Variants in DOCK2 observed in about 807,000 individuals in gnomAD.
The protein encoded by DOCK2 is dedicator of cytokinesis 2, also known as dedicator of cytokinesis protein 2.
Under a neutral mutation model 248.9 loss-of-function variants are expected in DOCK2, and 87 were observed. That is an observed-to-expected ratio of 0.35 (90% CI 0.29 to 0.42). The LOEUF (loss-of-function observed/expected upper bound fraction) is 0.42. Ranked by LOEUF, DOCK2 falls within the 10% of genes least tolerant of loss-of-function variation. The pLI, the probability that DOCK2 is intolerant of heterozygous loss-of-function variation, is 1.00. For synonymous variants in DOCK2, 805 were observed against 821.6 expected, an observed-to-expected ratio of 0.98 and a Z score of 0.35; for missense variants, 1,747 against 2,300.2, an observed-to-expected ratio of 0.76 and a Z score of 4.92.
chr5:169,901,042 C>T (rs1039697529), intron 27 of DOCK2, among the ~76,000 whole-genome samples: 3 of 152,096 alleles, frequency 2.0e-5, no homozygotes, highest in Non-Finnish European at 4.4e-5. Flanking sequence ...ATTTATAAAA[C>T]GTGCTAGATG....
chr5:169,794,511 T>TA (rs1228609878), intron 25 of DOCK2, among the ~76,000 whole-genome samples: 1 of 152,206 alleles, frequency 6.6e-6, no homozygotes, highest in African/African-American at 2.4e-5. Flanking sequence ...TATGTATATA[T>TA]ATTTAAACAT....
intron 49 of DOCK2, 174 bp from the exon 50 acceptor site, chr5:170,079,989 A>C (rs1428333973): frequency 1.8e-6 from 2 of 1,110,988 alleles, no homozygotes; most frequent in Non-Finnish European, 2.5e-6. Context: ...CAACCTGTGC[A>C]ACCATATGTG....
chr5:169,958,380 G>A (rs1219861035), intron 27 of DOCK2, among the ~76,000 whole-genome samples: 1 of 152,188 alleles, frequency 6.6e-6, no homozygotes, highest in Admixed American at 6.5e-5. Flanking sequence ...GGAAAAGCAA[G>A]AGGAGGGCAA....
intron 25 of DOCK2, among the ~76,000 whole-genome samples, chr5:169,770,239 G>A (rs1308397554): frequency 2.0e-5 from 3 of 150,642 alleles, no homozygotes; most frequent in Non-Finnish European, 4.4e-5. Context: ...AATCACTTAC[G>A]TGTAACCACA....
chr5:169,825,967 C>T (rs991446483), intron 26 of DOCK2, among the ~76,000 whole-genome samples: 6 of 151,934 alleles, frequency 3.9e-5, no homozygotes, highest in Admixed American at 2.0e-4. Context: ...AAGTTGCCAG[C>T]GTCTTTGTTT....
At chr5:170,003,323 T>C (rs931724066) in intron 30 of DOCK2, among the ~76,000 whole-genome samples, 6 of 152,234 alleles carry the variant, frequency 3.9e-5, no homozygotes, top group Non-Finnish European at 8.8e-5. Context: ...ACCCAGCTAA[T>C]AAGCAATAGA....
chr5:169,747,339 AC>A, intron 22 of DOCK2, 56 bp from the exon 23 acceptor site: 1 of 1,509,200 alleles, frequency 6.6e-7, no homozygotes, highest in Admixed American at 2.0e-5. Flanking sequence ...CCTAGTACAC[AC>A]TTTTAAAAGT....
chr5:169,855,742 A>T (rs1048370738), intron 27 of DOCK2, among the ~76,000 whole-genome samples: 1 of 152,208 alleles, frequency 6.6e-6, no homozygotes, highest in Non-Finnish European at 1.5e-5. Flanking sequence ...ACATTACAAG[A>T]TGAGGAAAGC....
intron 27 of DOCK2, among the ~76,000 whole-genome samples, chr5:169,900,900 C>T (rs994610467): frequency 2.0e-5 from 3 of 152,070 alleles, no homozygotes; most frequent in African/African-American, 7.2e-5. Flanking sequence ...TAGGAGTTCA[C>T]CATATATCTA....
At chr5:169,706,776 G>T (rs900242110) in intron 14 of DOCK2, among the ~76,000 whole-genome samples, 5 of 152,184 alleles carry the variant, frequency 3.3e-5, no homozygotes, top group Non-Finnish European at 7.3e-5. Context: ...CGATTTGGCT[G>T]CAAGTACTGT....
intron 2 of DOCK2, among the ~76,000 whole-genome samples, chr5:169,661,969 A>G (rs776341864): frequency 4.6e-5 from 7 of 152,234 alleles, no homozygotes; most frequent in South Asian, 2.1e-4. Context: ...TTTTCTTTGG[A>G]TATATGCCTT....
chr5:169,648,031 C>T (rs1324564954), intron 1 of DOCK2, among the ~76,000 whole-genome samples: 1 of 152,132 alleles, frequency 6.6e-6, no homozygotes, highest in Non-Finnish European at 1.5e-5. Context: ...AAACTCTCTT[C>T]CAACTCTGTA....
Position 169,763,238 on chromosome 5 carries a change from C to A in DOCK2, c.2554+1613C>A, listed in dbSNP as rs1256012218. On this transcript the variant is annotated intron_variant, in intron 25 of 51. Coordinates refer to ENST00000520908, the MANE Select transcript of DOCK2 (RefSeq NM_004946.3). This position sits in a 1 kb window ranked among gnomAD's most constrained non-coding sequence, Gnocchi z 4.1. ...TCCATGGTTTTAAAGTTCTGATTTC[C>A]ACCTCCAAATAAATTTCCCTCACCC... 6.6e-6 allele frequency among the ~76,000 whole-genome samples: 1 copy of A among 152,166 alleles called. No homozygotes were observed. The highest frequency in any genetic ancestry group is 1.5e-5 in the Non-Finnish European group (1 of 68,036).
intron 38 of DOCK2, among the ~76,000 whole-genome samples, chr5:170,042,578 G>A (rs184308477): frequency 3.9e-5 from 6 of 152,206 alleles, no homozygotes; most frequent in Admixed American, 3.9e-4. Context: ...TCTTGCTCAC[G>A]TGCTCTATGC....
At chr5:170,051,335 C>T (rs1294711191) in intron 41 of DOCK2, among the ~76,000 whole-genome samples, 4 of 152,352 alleles carry the variant, frequency 2.6e-5, no homozygotes, top group Admixed American at 6.5e-5. Flanking sequence ...ATCCTTCCTT[C>T]CCTTTCTCAC....
At chr5:169,654,228 G>T (rs941933655) in intron 1 of DOCK2, among the ~76,000 whole-genome samples, 175 bp from the exon 2 acceptor site, 5 of 152,230 alleles carry the variant, frequency 3.3e-5, no homozygotes, top group African/African-American at 1.2e-4. Flanking sequence ...GGTCTTGGGA[G>T]CCAGGCTGAG....
At chr5:169,728,685 G>A (rs1179796622) in intron 22 of DOCK2, among the ~76,000 whole-genome samples, 1 of 152,138 alleles carries the variant, frequency 6.6e-6, no homozygotes, top group Non-Finnish European at 1.5e-5. Context: ...TCAGAGCAAG[G>A]GGTCAAAGTT....
In DOCK2 at chr5:169,895,824, C is replaced by G. The variant is rs183925886; in HGVS notation, c.2799+54972C>G. On this transcript the variant is annotated intron_variant, in intron 27 of 51. Coordinates refer to ENST00000520908, the MANE Select transcript of DOCK2 (RefSeq NM_004946.3). ...TTTCCTCATTTGAAAATGAAAGGAG[C>G]ATTTGGCTCACATAACGCAGTGCCT... Among the ~76,000 whole-genome samples, 3 of 152,302 alleles carry G rather than the reference C, an allele frequency of 2.0e-5. No homozygotes were observed. The East Asian group carries it at 5.8e-4, about 29-fold the overall frequency.
chr5:169,801,704 T>G (rs1339619150), intron 25 of DOCK2, among the ~76,000 whole-genome samples: 1 of 152,166 alleles, frequency 6.6e-6, no homozygotes, highest in Non-Finnish European at 1.5e-5. Flanking sequence ...GTCAGGGTGC[T>G]GTGCCAGAAG....
Sources: gnomAD v4.1 joint callset for allele counts (sites outside exome capture counted in the v4.1 genomes callset) on GRCh38, gnomAD v4.1.1 for gene constraint, Gnocchi (gnomAD v3.1) non-coding constraint, MANE v1.5 for transcripts, NCBI Gene and HGNC (gene_info 2026-07-23, HGNC 2026-07-21) for gene names.